DLEC1: variants seen among roughly 807,000 people sequenced by gnomAD.
The protein encoded by DLEC1 is deleted in lung and esophageal cancer protein 1.
In DLEC1, 146 loss-of-function variants were observed where a neutral mutation model predicts 198.1. The ratio of observed to expected loss-of-function variants is 0.74; its 90% CI spans 0.64 to 0.85. The LOEUF is 0.85. Among genes scored for constraint, DLEC1 ranks in the 40% least tolerant of loss-of-function variants. The pLI, the probability that DLEC1 is intolerant of heterozygous loss-of-function variation, is 0.00. For synonymous variants in DLEC1, 897 were observed against 866.8 expected (o/e 1.03, Z -0.61); for missense variants, 2,233 against 2,220.0 (o/e 1.01, Z -0.12).
intron 6 of DLEC1, among the ~76,000 whole-genome samples, chr3:38,067,403 T>C (rs1697083379): frequency 4.6e-5 from 7 of 152,248 alleles, no homozygotes. Context: ...TTAATAACTC[T>C]TAAGAGATTT....
Position 38,110,215 on chromosome 3 carries a change from C to T in DLEC1, c.3377C>T (p.Thr1126Ile), listed in dbSNP as rs1699790295. 1 of 1,614,178 alleles carries T rather than the reference C, an allele frequency of 6.2e-7. No homozygotes were observed. The highest frequency in any genetic ancestry group is 2.2e-5 in the East Asian group (1 of 44,888). ...LILTNRSPIR[T>I]RFSLKFEYFG... ...CTCACCAATCGCTCCCCAATACGGA[C>T]CCGTTTCTCCCTCAAGTTTGAGTAT... The change falls in exon 23 of 37, where the codon ACC (threonine) becomes ATC (isoleucine). Residue 1126 changes from threonine to isoleucine, a missense_variant. Coordinates refer to ENST00000308059, the MANE Select transcript of DLEC1 (RefSeq NM_007335.4).
intron 3 of DLEC1, among the ~76,000 whole-genome samples, chr3:38,060,809 C>G (rs1696640742): frequency 6.6e-6 from 1 of 152,144 alleles, no homozygotes; most frequent in African/African-American, 2.4e-5. Flanking sequence ...ATTCTCCTTC[C>G]TCAGCCTCCC....
intron 6 of DLEC1, among the ~76,000 whole-genome samples, chr3:38,067,402 C>G (rs1158350097): frequency 2.0e-5 from 3 of 152,228 alleles, no homozygotes; most frequent in Non-Finnish European, 4.4e-5. Flanking sequence ...GTTAATAACT[C>G]TTAAGAGATT....
rs1444170669 is a variant in DLEC1, at chr3:38,116,986, T to TG, written c.4196dup (p.Ser1400GlnfsTer16). The stretch of plus-strand genomic sequence containing the variant: ...TGTGTCTATGCCAGGTGGTCCCTGC[T>TG]GGGGGCAGCAGTACCATCTACATCT... On this transcript the variant is annotated frameshift_variant, in exon 30 of 37. Transcript: ENST00000308059. LOFTEE classifies it high-confidence loss of function. 6.2e-7 allele frequency: 1 copy of TG among 1,613,884 alleles called. No homozygotes were observed. Among genetic ancestry groups the TG allele is most frequent in the Non-Finnish European group, 8.5e-7 (1 of 1,179,952 alleles).
chr3:38,084,560 AGTG>A (rs1698319785), intron 7 of DLEC1, among the ~76,000 whole-genome samples: 6 of 1,104 alleles, frequency 5.4e-3, no homozygotes, highest in East Asian at 0.042. Flanking sequence ...TGGTAGTAGT[AGTG>A]GTAGTAGTAG....
At chr3:38,084,875 C>G (rs1378401327) in intron 7 of DLEC1, among the ~76,000 whole-genome samples, 3 of 152,120 alleles carry the variant, frequency 2.0e-5, no homozygotes, top group Non-Finnish European at 4.4e-5. Flanking sequence ...CTCTATTCCT[C>G]ACTTAAGCCT....
intron 33 of DLEC1, among the ~76,000 whole-genome samples, chr3:38,118,602 C>A (rs1438507781): frequency 1.3e-5 from 2 of 152,212 alleles, no homozygotes; most frequent in South Asian, 2.1e-4. Context: ...TCTGAGGCAA[C>A]TGGAATGAGG....
chr3:38,102,069 T>TC (rs1699334894), intron 19 of DLEC1, among the ~76,000 whole-genome samples: 1 of 152,150 alleles, frequency 6.6e-6, no homozygotes, highest in South Asian at 2.1e-4. Flanking sequence ...TTTCCCTTTG[T>TC]CTGGTCTTCT....
At chr3:38,108,382 A>G (rs982414675) in intron 20 of DLEC1, 23 bp from the exon 21 acceptor site, 5 of 1,595,472 alleles carry the variant, frequency 3.1e-6, no homozygotes, top group Non-Finnish European at 4.3e-6. Context: ...AAGTGACAAC[A>G]GGCTCACTCA....
intron 20 of DLEC1, 79 bp from the exon 21 acceptor site, chr3:38,108,326 C>A: frequency 8.5e-7 from 1 of 1,178,138 alleles, no homozygotes; most frequent in Non-Finnish European, 1.2e-6. Context: ...TTGCATGCAG[C>A]AGTGCTGAGC....
At chr3:38,121,001 A>T (rs950972635) in intron 34 of DLEC1, among the ~76,000 whole-genome samples, 3 of 151,898 alleles carry the variant, frequency 2.0e-5, no homozygotes, top group African/African-American at 4.9e-5. Context: ...CCAGGCTTCA[A>T]GCACCAGGGC....
chr3:38,089,015 G>A (rs1303039437), intron 10 of DLEC1, among the ~76,000 whole-genome samples: 4 of 152,082 alleles, frequency 2.6e-5, no homozygotes, highest in Non-Finnish European at 5.9e-5. Flanking sequence ...CACTCTCCCC[G>A]ACTCCTGGTC....
chr3:38,070,398 T>C (rs773168504), intron 6 of DLEC1, among the ~76,000 whole-genome samples: 1 of 152,244 alleles, frequency 6.6e-6, no homozygotes, highest in African/African-American at 2.4e-5. Flanking sequence ...AGCTGTGAGA[T>C]AGAAACAGTT....
intron 18 of DLEC1, among the ~76,000 whole-genome samples, chr3:38,098,703 A>AG (rs1699157541): frequency 6.6e-6 from 1 of 152,120 alleles, no homozygotes; most frequent in Non-Finnish European, 1.5e-5. Flanking sequence ...TAAGGAGCCC[A>AG]GGGAAGACAA....
intron 28 of DLEC1, 37 bp downstream of exon 28, chr3:38,116,695 T>G (rs1039542869): frequency 1.2e-6 from 2 of 1,610,812 alleles, no homozygotes; most frequent in African/African-American, 2.7e-5. Context: ...GGCTGGCCAC[T>G]GAGGGCCACT....
chr3:38,081,931 C>T (rs545935399), intron 6 of DLEC1, among the ~76,000 whole-genome samples: 7,669 of 128,966 alleles, frequency 0.059, 88 homozygotes, highest in African/African-American at 0.075. Context: ...GGGTGGCTGC[C>T]GGGCGGAGAT....
At position 38,063,931 on chromosome 3, in the gene DLEC1, G is replaced by C; in HGVS notation, c.1173+12G>C. On this transcript the variant is annotated intron_variant, in intron 6 of 36. Transcript: ENST00000308059. The stretch of plus-strand genomic sequence containing the variant: ...GTCCAGTTTATGAGGTAGACATCTT[G>C]TTTCTTTACAGCTCCCACCCCATCT... The C allele has an allele frequency of 6.4e-7, 1 of 1,565,244 alleles. No individual in the cohort carries two copies. Among genetic ancestry groups the C allele is most frequent in the Non-Finnish European group, 8.7e-7 (1 of 1,147,892 alleles).
intron 20 of DLEC1, 42 bp from the exon 21 acceptor site, chr3:38,108,363 G>A: frequency 6.6e-7 from 1 of 1,524,138 alleles, no homozygotes; most frequent in Non-Finnish European, 9.1e-7. Flanking sequence ...TCCATTCTGG[G>A]AGCCCAGTAA....
At chr3:38,074,497 G>A (rs551241776) in intron 6 of DLEC1, among the ~76,000 whole-genome samples, 40 of 152,312 alleles carry the variant, frequency 2.6e-4, no homozygotes, top group South Asian at 4.1e-4. Context: ...CTGGGTTTTC[G>A]TCTTTACCTT....
Sources: allele counts gnomAD v4.1 joint callset (sites outside exome capture counted in the v4.1 genomes callset), GRCh38; gene constraint gnomAD v4.1.1; transcripts MANE v1.5; gene names NCBI Gene and HGNC (gene_info 2026-07-23, HGNC 2026-07-21).